Variants in PPP1R9B observed in about 807,000 individuals in gnomAD.
PPP1R9B encodes protein phosphatase 1 regulatory subunit 9B, also known as neurabin-2.
PPP1R9B carries 17 observed loss-of-function variants against 75.8 expected under a neutral mutation model. That is an observed-to-expected ratio of 0.22 (90% CI 0.15 to 0.34). The LOEUF is 0.34. Ranked by LOEUF, PPP1R9B falls within the 10% of genes least tolerant of loss-of-function variation. PPP1R9B has a pLI of 1.00. For synonymous variants in PPP1R9B, 509 were observed against 535.4 expected, an observed-to-expected ratio of 0.95 and a Z score of 0.68; for missense variants, 875 against 1,196.0, an observed-to-expected ratio of 0.73 and a Z score of 3.96.
rs1325906380 is a variant in PPP1R9B, at chr17:50,139,049, A to C, written c.2073+214T>G. On this transcript the variant is annotated intron_variant, in intron 7 of 9. Coordinates refer to ENST00000612501, the MANE Select transcript of PPP1R9B (RefSeq NM_032595.5). The surrounding 1 kb of genome is among the most constrained non-coding windows in gnomAD (Gnocchi z 5.0). Reference sequence around the variant, plus strand: ...TTACGACCTCATTTTATAGATGAGGAGGCTGAGGCACAGAGAAGCAAGTGA... The same window carrying C: ...TTACGACCTCATTTTATAGATGAGGCGGCTGAGGCACAGAGAAGCAAGTGA... Among the ~76,000 whole-genome samples, 5 of 152,222 alleles carry C rather than the reference A, an allele frequency of 3.3e-5. No individual in the cohort carries two copies. In the East Asian group the frequency reaches 9.6e-4, roughly 29 times the overall value.
chr17:50,136,448 G>A (rs1242846189), intron 7 of PPP1R9B, among the ~76,000 whole-genome samples: 6 of 152,224 alleles, frequency 3.9e-5, no homozygotes, highest in Admixed American at 1.3e-4. Flanking sequence ...TGGAGGCTTC[G>A]GTTAGTCACT....
At chr17:50,143,767 A>C in intron 2 of PPP1R9B, 49 bp from the exon 3 acceptor site, 1 of 1,607,718 alleles carries the variant, frequency 6.2e-7, no homozygotes, top group Non-Finnish European at 8.5e-7. Flanking sequence ...GGGACAGACG[A>C]GAGACTCTCC....
Position 50,150,418 on chromosome 17 carries a change from C to T in PPP1R9B, c.96G>A (p.Pro32=). The part of the protein sequence containing the change: ...AYEAGIQALK[P]PDAPGPDEAP... ...CCTCGTCGGGCCCGGGCGCGTCGGGCGGCTTCAGCGCCTGGATGCCCGCCT... is the reference window on the plus strand; with the variant it reads ...CCTCGTCGGGCCCGGGCGCGTCGGGTGGCTTCAGCGCCTGGATGCCCGCCT... Residue 32 remains proline (P), a synonymous_variant, in exon 1 of 10, where the codon CCG becomes CCA. Transcript: ENST00000612501. This position sits in a 1 kb window ranked among gnomAD's most constrained non-coding sequence, Gnocchi z 8.7. The T allele has an allele frequency of 2.2e-6, 3 of 1,382,822 alleles. No individual in the cohort carries two copies. The South Asian group carries it at 4.9e-5, about 23-fold the overall frequency. 85.7% of individuals were successfully genotyped at this position (1,382,822 alleles called of 1,614,324 possible). A position where few individuals can be genotyped will look rare whatever the true frequency, so the allele number is the denominator to read the frequency against.
intron 4 of PPP1R9B, among the ~76,000 whole-genome samples, chr17:50,140,882 T>C (rs1479296653): frequency 6.6e-6 from 1 of 151,986 alleles, no homozygotes. Flanking sequence ...CAGGATGACA[T>C]AGGGCTGGTC....
chr17:50,150,110 G>A lies in PPP1R9B; in HGVS notation c.404C>T (p.Ala135Val), dbSNP rs1338061468. 3 of 1,398,662 alleles carry A rather than the reference G, an allele frequency of 2.1e-6. No homozygotes were observed. Among genetic ancestry groups the A allele is most frequent in the African/African-American group, 1.5e-5 (1 of 66,502 alleles). 86.6% of individuals were successfully genotyped at this position (1,398,662 alleles called of 1,614,324 possible). Residue 135 changes from alanine (A) to valine (V), a missense_variant, in exon 1 of 10, where the codon GCG (alanine) becomes GTG (valine). Ala to Val is a moderately conservative substitution (Grantham distance 64). This residue lies in a region of PPP1R9B where 449 missense variants were observed against 475.0 expected (regional missense o/e 0.95). Coordinates refer to ENST00000612501, the MANE Select transcript of PPP1R9B (RefSeq NM_032595.5). The surrounding 1 kb of genome is among the most constrained non-coding windows in gnomAD (Gnocchi z 8.7). ...DSKPAPSAQP[A>V]PPPHPPSRLQ... ...CCGGGACGGCGGGTGCGGCGGCGGC[G>A]CAGGCTGCGCGGAGGGCGCGGGCTT...
chr17:50,147,888 G>A (rs1203979876), intron 1 of PPP1R9B, among the ~76,000 whole-genome samples: 1 of 152,198 alleles, frequency 6.6e-6, no homozygotes, highest in Non-Finnish European at 1.5e-5. Flanking sequence ...CGAGTGAGAG[G>A]AAAGTTGGGA....
In PPP1R9B at chr17:50,150,032, C is replaced by T; in HGVS notation, c.482G>A (p.Gly161Asp). 1 of 1,469,976 alleles carries T rather than the reference C, an allele frequency of 6.8e-7. No homozygotes were observed. The highest frequency in any genetic ancestry group is 8.9e-7 in the Non-Finnish European group (1 of 1,120,212). 91.1% of individuals were successfully genotyped at this position (1,469,976 alleles called of 1,614,324 possible). A position where few individuals can be genotyped will look rare whatever the true frequency, so the allele number is the denominator to read the frequency against. The change falls in exon 1 of 10, where the codon GGC (glycine) becomes GAC (aspartate). Residue 161 changes from glycine to aspartate, a missense_variant. Physicochemically the swap from Gly to Asp is moderately conservative, Grantham distance 94 (BLOSUM62 -1). Coordinates refer to ENST00000612501, the MANE Select transcript of PPP1R9B (RefSeq NM_032595.5). The surrounding 1 kb of genome is among the most constrained non-coding windows in gnomAD (Gnocchi z 8.7). ...FERSAPAAAG[G>D]DKEAAARRLL... ...CCGCCGCGCCGCGGCCTCCTTGTCGCCGCCTGCGGCCGCTGGGGCGCTCCG... is the reference window on the plus strand; with the variant it reads ...CCGCCGCGCCGCGGCCTCCTTGTCGTCGCCTGCGGCCGCTGGGGCGCTCCG...
rs781325486 is a variant in PPP1R9B at position 50,149,132 on chromosome 17, G to C, written c.1371+11C>G. 11 of 1,428,986 alleles carry C rather than the reference G, an allele frequency of 7.7e-6. No individual in the cohort carries two copies. Among genetic ancestry groups the C allele is most frequent in the Non-Finnish European group, 8.3e-6 (9 of 1,088,096 alleles). 88.5% of individuals were successfully genotyped at this position (1,428,986 alleles called of 1,614,324 possible). A position where few individuals can be genotyped will look rare whatever the true frequency, so the allele number is the denominator to read the frequency against. On this transcript the variant is annotated intron_variant, in intron 1 of 9. Coordinates refer to ENST00000612501, the MANE Select transcript of PPP1R9B (RefSeq NM_032595.5). This position sits in a 1 kb window ranked among gnomAD's most constrained non-coding sequence, Gnocchi z 7.2. ...GGGCGGCGCGGGGGCAGGGCGGGGGGGCTCACTTACTTGGATGGGCGCCGT... is the reference window on the plus strand; with the variant it reads ...GGGCGGCGCGGGGGCAGGGCGGGGGCGCTCACTTACTTGGATGGGCGCCGT...
At chr17:50,140,374 A>G (rs1912343480) in intron 4 of PPP1R9B, 146 bp from the exon 5 acceptor site, 1 of 1,040,142 alleles carries the variant, frequency 9.6e-7, no homozygotes, top group South Asian at 1.7e-5. Context: ...AGTGTTAATA[A>G]TGAATGGGGG....
At chr17:50,145,646 G>C (rs1912496439) in intron 1 of PPP1R9B, among the ~76,000 whole-genome samples, 1 of 151,992 alleles carries the variant, frequency 6.6e-6, no homozygotes, top group Admixed American at 6.5e-5. Context: ...GACAGACACA[G>C]AGAGGAAGGA....
At position 50,136,114 on chromosome 17, in the gene PPP1R9B, G is replaced by A. The variant is rs757520962; in HGVS notation, c.2157C>T (p.Arg719=). 1 of 1,609,662 alleles carries A rather than the reference G, an allele frequency of 6.2e-7. No homozygotes were observed. Among genetic ancestry groups the A allele is most frequent in the African/African-American group, 1.3e-5 (1 of 74,896 alleles). ...CCCAGTAGCCTTCCAGTTTCTCCAT[G>A]CGCTCCTTGTTCTCCTCCACACTCT... ...LEQSVEENKE[R]MEKLEGYWGE... is the part of the protein sequence containing the mutation. The change falls in exon 8 of 10, where the codon CGC becomes CGT. Residue 719 remains arginine (R), a synonymous_variant. Coordinates refer to ENST00000612501, the MANE Select transcript of PPP1R9B (RefSeq NM_032595.5).
chr17:50,143,802 C>A, intron 2 of PPP1R9B, 84 bp from the exon 3 acceptor site: 1 of 1,575,386 alleles, frequency 6.3e-7, no homozygotes, highest in Non-Finnish European at 8.7e-7. Flanking sequence ...GGCACAGCCC[C>A]CCCATCAGGA....
At chr17:50,141,065 G>A (rs552763635) in intron 4 of PPP1R9B, among the ~76,000 whole-genome samples, 3 of 152,262 alleles carry the variant, frequency 2.0e-5, no homozygotes, top group East Asian at 1.9e-4. Context: ...GAGTACTGGT[G>A]GCCAGCTGTT....
intron 7 of PPP1R9B, 96 bp from the exon 8 acceptor site, chr17:50,136,293 C>T (rs1445091539): frequency 8.6e-6 from 9 of 1,050,310 alleles, no homozygotes; most frequent in East Asian, 2.6e-5. Flanking sequence ...CCAGGGGATT[C>T]CTACCGTTGT....
Position 50,134,246 on chromosome 17 carries a change from G to A in PPP1R9B, c.*1085C>T, listed in dbSNP as rs2144435926. ...AGAGTCGATTTCACTTAGAAGGCAG[G>A]CTGCCAGCAGGGCAGCCCTGGTCTC... On this transcript the variant is annotated 3_prime_UTR_variant, in exon 10 of 10. Transcript: ENST00000612501. The A allele has an allele frequency of 6.5e-6, 1 of 152,698 alleles. No individual in the cohort carries two copies. The highest frequency in any genetic ancestry group is 1.5e-5 in the Non-Finnish European group (1 of 68,014). 9.5% of individuals were successfully genotyped at this position (152,698 alleles called of 1,614,324 possible).
chr17:50,140,031 T>G (rs1912328915), intron 5 of PPP1R9B, 62 bp downstream of exon 5: 1 of 1,573,696 alleles, frequency 6.4e-7, no homozygotes, highest in Admixed American at 1.7e-5. Context: ...GGCAGATGAC[T>G]GTAATGCTTC....
At position 50,150,304 on chromosome 17, in the gene PPP1R9B, G is replaced by A. The variant is rs761525028; in HGVS notation, c.210C>T (p.Pro70=). The A allele has an allele frequency of 1.9e-5, 27 of 1,429,392 alleles. No homozygotes were observed. Among genetic ancestry groups the A allele is most frequent in the Non-Finnish European group, 2.4e-5 (26 of 1,087,872 alleles). 88.5% of individuals were successfully genotyped at this position (1,429,392 alleles called of 1,614,324 possible). The change falls in exon 1 of 10, where the codon CCC becomes CCT. Residue 70 remains proline (P), a synonymous_variant. Transcript: ENST00000612501. This position sits in a 1 kb window ranked among gnomAD's most constrained non-coding sequence, Gnocchi z 8.7. ...CCGCGCCGCCGCCCGCCTCGCCCGA[G>A]GGCCCCGCCGTCGTGCCCATCTGCA... ...MFLQMGTTAG[P]SGEAGGGAGL...
rs746237721 is a variant in PPP1R9B at position 50,136,136 on chromosome 17, C to G, written c.2135G>C (p.Ser712Thr). The stretch of plus-strand genomic sequence containing the variant: ...CATGCGCTCCTTGTTCTCCTCCACA[C>G]TCTGCTCCAACTGCGCCTTCTCCAC... ...WRVEKAQLEQ[S>T]VEENKERMEK... Residue 712 changes from serine to threonine, a missense_variant, in exon 8 of 10, where the codon AGT becomes ACT. Physicochemically the swap from Ser to Thr is moderately conservative, Grantham distance 58. This residue lies in a region of PPP1R9B where 218 missense variants were observed against 334.6 expected (regional missense o/e 0.65). Coordinates refer to ENST00000612501, the MANE Select transcript of PPP1R9B (RefSeq NM_032595.5). 4 of 1,606,986 alleles carry G rather than the reference C, an allele frequency of 2.5e-6. No individual in the cohort carries two copies. Among genetic ancestry groups the G allele is most frequent in the Non-Finnish European group, 3.4e-6 (4 of 1,179,828 alleles).
intron 2 of PPP1R9B, 112 bp from the exon 3 acceptor site, chr17:50,143,830 G>A (rs1020073547): frequency 5.6e-5 from 80 of 1,434,656 alleles, no homozygotes; most frequent in Non-Finnish European, 7.3e-5. Flanking sequence ...CCCATTAGGG[G>A]ATGTCCCACA....
Sources: allele counts gnomAD v4.1 joint callset (sites outside exome capture counted in the v4.1 genomes callset), GRCh38; gene constraint gnomAD v4.1.1; regional missense constraint gnomAD v4.1.1; non-coding constraint Gnocchi (gnomAD v3.1); transcripts MANE v1.5; gene names NCBI Gene and HGNC (gene_info 2026-07-23, HGNC 2026-07-21).